RIMS2: variants seen among roughly 807,000 people sequenced by gnomAD.
The protein encoded by RIMS2 is regulating synaptic membrane exocytosis 2, also known as regulating synaptic membrane exocytosis protein 2.
In RIMS2, 59 loss-of-function variants were observed where a neutral mutation model predicts 174.4. The observed-to-expected ratio is 0.34, with a 90% confidence interval of 0.27 to 0.42. The LOEUF (loss-of-function observed/expected upper bound fraction) is 0.42, where lower values mean the gene tolerates loss of function less well. Among genes scored for constraint, RIMS2 ranks in the 10% least tolerant of loss-of-function variants. The pLI, the probability that RIMS2 is intolerant of heterozygous loss-of-function variation, is 1.00. For synonymous variants in RIMS2, 606 were observed against 572.5 expected (o/e 1.06, Z -0.84); for missense variants, 1,620 against 1,666.3 (o/e 0.97, Z 0.48).
chr8:104,045,179 C>G (rs1289842905), intron 19 of RIMS2, among the ~76,000 whole-genome samples: 3 of 151,794 alleles, frequency 2.0e-5, no homozygotes, highest in Non-Finnish European at 4.4e-5. Context: ...AATTACTTCA[C>G]TAATATATTT....
intron 3 of RIMS2, 68 bp downstream of exon 6, chr8:103,766,605 A>G (rs956478284): frequency 1.0e-4 from 108 of 1,038,900 alleles, no homozygotes; most frequent in Middle Eastern, 2.1e-4. Flanking sequence ...AGAGATAACA[A>G]TACATGAAAT....
At chr8:104,147,190 C>G (rs1317070875) in intron 19 of RIMS2, among the ~76,000 whole-genome samples, 1 of 151,868 alleles carries the variant, frequency 6.6e-6, no homozygotes, top group Non-Finnish European at 1.5e-5. Context: ...TCTCTTTTCT[C>G]TTCTCTTCTC....
intron 1 of RIMS2, among the ~76,000 whole-genome samples, chr8:103,634,041 A>C (rs2096012394): frequency 6.6e-6 from 1 of 151,702 alleles, no homozygotes; most frequent in African/African-American, 2.4e-5. Context: ...GATTTTTGTT[A>C]TTTCTCATCT....
chr8:103,528,649 A>G (rs933956254), intron 1 of RIMS2, among the ~76,000 whole-genome samples: 1 of 152,174 alleles, frequency 6.6e-6, no homozygotes, highest in Non-Finnish European at 1.5e-5. Flanking sequence ...TAAATAGGGA[A>G]TCCTTGCCCC....
intron 1 of RIMS2, among the ~76,000 whole-genome samples, chr8:103,615,559 C>CA (rs143065994): frequency 0.12 from 18,842 of 151,814 alleles, 1,260 homozygotes; most frequent in Middle Eastern, 0.22. Flanking sequence ...AAGCAAGAGA[C>CA]AAAAAATCAT....
intron 19 of RIMS2, among the ~76,000 whole-genome samples, chr8:104,162,634 A>T (rs1448217608): frequency 6.6e-6 from 1 of 152,166 alleles, no homozygotes; most frequent in Non-Finnish European, 1.5e-5. Flanking sequence ...TCTTTTCAAA[A>T]TAAAAATTCC....
intron 19 of RIMS2, among the ~76,000 whole-genome samples, chr8:104,145,905 T>G (rs190817907): frequency 2.0e-5 from 3 of 151,710 alleles, no homozygotes; most frequent in Admixed American, 6.6e-5. Context: ...CAACATTTTT[T>G]GCTTATCGTT....
At chr8:103,860,309 TCTTTTA>T (rs1290083435) in intron 3 of RIMS2, among the ~76,000 whole-genome samples, 2 of 152,322 alleles carry the variant, frequency 1.3e-5, no homozygotes, top group South Asian at 2.1e-4. Context: ...TAGTGGTTCA[TCTTTTA>T]CTTAAGTACT....
chr8:104,172,715 G>A (rs1006746984), intron 19 of RIMS2, among the ~76,000 whole-genome samples: 1 of 152,170 alleles, frequency 6.6e-6, no homozygotes, highest in East Asian at 1.9e-4. Flanking sequence ...CAAAATGAGA[G>A]AAATCATTTT....
chr8:103,637,507 A>T (rs1406905389), intron 1 of RIMS2, among the ~76,000 whole-genome samples: 3 of 152,210 alleles, frequency 2.0e-5, no homozygotes, highest in Non-Finnish European at 2.9e-5. Flanking sequence ...ACTTATTTTT[A>T]AAAATGTTTT....
chr8:104,017,837 A>C (rs1050804806), intron 19 of RIMS2, among the ~76,000 whole-genome samples: 1 of 152,152 alleles, frequency 6.6e-6, no homozygotes, highest in African/African-American at 2.4e-5. Flanking sequence ...GCACTTTGGG[A>C]GGCTGAGGTG....
intron 16 of RIMS2, among the ~76,000 whole-genome samples, chr8:103,986,431 G>C (rs2154549888): frequency 6.6e-6 from 1 of 152,212 alleles, no homozygotes; most frequent in Non-Finnish European, 1.5e-5. Context: ...TATTTGAAAA[G>C]ATTGGTGACA....
At chr8:103,787,013 T>G (rs1033855643) in intron 3 of RIMS2, among the ~76,000 whole-genome samples, 3 of 150,842 alleles carry the variant, frequency 2.0e-5, no homozygotes, top group African/African-American at 7.4e-5. Flanking sequence ...TTGATCCCTT[T>G]ACCATTATGT....
intron 1 of RIMS2, among the ~76,000 whole-genome samples, chr8:103,666,444 C>T (rs1488748193): frequency 6.6e-6 from 1 of 152,074 alleles, no homozygotes; most frequent in Non-Finnish European, 1.5e-5. Flanking sequence ...ATTCTTTTGC[C>T]ATGATAAATG....
intron 3 of RIMS2, among the ~76,000 whole-genome samples, chr8:103,853,344 C>T (rs187644950): frequency 1.3e-5 from 2 of 152,046 alleles, no homozygotes; most frequent in Admixed American, 1.3e-4. Context: ...AGTCTGTTTA[C>T]TCTGTTAATA....
intron 1 of RIMS2, among the ~76,000 whole-genome samples, chr8:103,613,197 A>T (rs996314033): frequency 2.0e-5 from 3 of 152,106 alleles, no homozygotes; most frequent in Non-Finnish European, 4.4e-5. Context: ...GGAGTCAAAA[A>T]CCTTAGGAAT....
chr8:104,240,171 G>C (rs537400317), intron 19 of RIMS2, among the ~76,000 whole-genome samples: 1 of 152,122 alleles, frequency 6.6e-6, no homozygotes, highest in Admixed American at 6.5e-5. Flanking sequence ...GTTCAGTTAC[G>C]CCCATTCAGA....
intron 3 of RIMS2, chr8:103,880,578 T>C (rs2099162394): frequency 4.6e-6 from 2 of 435,290 alleles, no homozygotes; most frequent in Admixed American, 4.1e-5. Flanking sequence ...ATGGCTCCTA[T>C]GATTTTGCCA....
chr8:103,833,024 T>C (rs1028678763), intron 3 of RIMS2, among the ~76,000 whole-genome samples: 1 of 152,232 alleles, frequency 6.6e-6, no homozygotes, highest in Non-Finnish European at 1.5e-5. Flanking sequence ...CCCTGTAATA[T>C]TACTTGAAAT....
Sources: allele counts gnomAD v4.1 joint callset (sites outside exome capture counted in the v4.1 genomes callset), GRCh38; gene constraint gnomAD v4.1.1; transcripts MANE v1.5; gene names NCBI Gene and HGNC (gene_info 2026-07-23, HGNC 2026-07-21).